Variants in TINAG observed in about 807,000 individuals in gnomAD.
TINAG encodes the protein tubulointerstitial nephritis antigen.
TINAG carries 83 observed loss-of-function variants against 72.7 expected under a neutral mutation model. The observed-to-expected ratio is 1.14, with a 90% confidence interval of 0.96 to 1.37. The LOEUF is 1.37. Among genes scored for constraint, TINAG ranks in the 40% most tolerant of loss-of-function variants. TINAG has a pLI of 0.00. For missense variants in TINAG, 685 were observed against 576.6 expected, an observed-to-expected ratio of 1.19 and a Z score of -1.93; for synonymous variants, 234 against 189.9, an observed-to-expected ratio of 1.23 and a Z score of -1.91.
At position 54,389,965 on chromosome 6, in the gene TINAG, CCCCCT is replaced by C; in HGVS notation, c.*41_*45del. ...TCCATAAGGTCATGCCTTTAAGTAA[CCCCCT>C]AAATTGAAGTTTAGCAATATGACAT... On this transcript the variant is annotated 3_prime_UTR_variant, in exon 11 of 11. Transcript: ENST00000259782. 6.3e-7 allele frequency: 1 copy of C among 1,589,044 alleles called. No individual in the cohort carries two copies. Among genetic ancestry groups the C allele is most frequent in the Non-Finnish European group, 8.5e-7 (1 of 1,172,502 alleles).
In TINAG at chr6:54,351,403, C is replaced by T. The variant is rs909325069; in HGVS notation, c.1126+6C>T. On this transcript the variant is annotated splice_donor_region_variant and intron_variant, in intron 8 of 10. Coordinates refer to ENST00000259782, the MANE Select transcript of TINAG (RefSeq NM_014464.4). ...GCAAAATGGACCAGTTCAAGGTAAG[C>T]TTGAATGAAATACGGTTTTTTCTTA... 3.7e-6 allele frequency: 6 copies of T among 1,609,204 alleles called. No homozygotes were observed. The highest frequency in any genetic ancestry group is 1.7e-5 in the Admixed American group (1 of 59,546).
chr6:54,369,677 C>A (rs1162828679), intron 9 of TINAG, among the ~76,000 whole-genome samples: 1 of 151,836 alleles, frequency 6.6e-6, no homozygotes, highest in Non-Finnish European at 1.5e-5. Flanking sequence ...GAGTTAGCAA[C>A]AACTGTTACT....
chr6:54,364,302 C>T (rs1318896816), intron 9 of TINAG, among the ~76,000 whole-genome samples: 1 of 151,126 alleles, frequency 6.6e-6, no homozygotes, highest in East Asian at 2.0e-4. Flanking sequence ...GATGATTTTC[C>T]AAATGGGTGC....
chr6:54,319,843 AT>A (rs1294654858), intron 1 of TINAG, among the ~76,000 whole-genome samples: 2 of 152,172 alleles, frequency 1.3e-5, no homozygotes, highest in Non-Finnish European at 2.9e-5. Flanking sequence ...TTCAATGTTA[AT>A]TTTGAATTTG....
chr6:54,324,185 C>T (rs907701318), intron 3 of TINAG, among the ~76,000 whole-genome samples: 3 of 152,238 alleles, frequency 2.0e-5, no homozygotes, highest in Non-Finnish European at 4.4e-5. Flanking sequence ...CATTTTAAAA[C>T]GATAAGCTTT....
intron 5 of TINAG, among the ~76,000 whole-genome samples, chr6:54,345,038 CA>C (rs1178914748): frequency 6.6e-6 from 1 of 151,978 alleles, no homozygotes; most frequent in Non-Finnish European, 1.5e-5. Context: ...AAATCAAATT[CA>C]AGCTATTTTT....
intron 10 of TINAG, among the ~76,000 whole-genome samples, chr6:54,381,920 A>G (rs879342761): frequency 1.3e-5 from 2 of 152,102 alleles, no homozygotes; most frequent in Non-Finnish European, 2.9e-5. Flanking sequence ...ACGAATGTGC[A>G]GAGGAAAATG....
intron 9 of TINAG, among the ~76,000 whole-genome samples, chr6:54,359,845 T>A (rs1235214947): frequency 6.6e-6 from 1 of 151,814 alleles, no homozygotes; most frequent in East Asian, 1.9e-4. Flanking sequence ...ATTCAAGAAA[T>A]GAATGCATTA....
intron 3 of TINAG, among the ~76,000 whole-genome samples, chr6:54,323,629 T>C (rs987364616): frequency 2.0e-5 from 3 of 152,228 alleles, no homozygotes; most frequent in Admixed American, 6.5e-5. Context: ...ATAAAACATA[T>C]GTTCCACTGA....
intron 9 of TINAG, 78 bp downstream of exon 9, chr6:54,354,714 C>A (rs1785351294): frequency 1.4e-6 from 2 of 1,398,342 alleles, no homozygotes; most frequent in Admixed American, 4.8e-5. Context: ...GTTTTAAATG[C>A]TAGAATCCCC....
chr6:54,315,196 C>A (rs1453591898), intron 1 of TINAG, among the ~76,000 whole-genome samples: 1 of 151,984 alleles, frequency 6.6e-6, no homozygotes, highest in Non-Finnish European at 1.5e-5. Context: ...TTGTTCAGTT[C>A]CTCTTATTGT....
chr6:54,351,799 T>C (rs1395920383), intron 8 of TINAG, among the ~76,000 whole-genome samples: 3 of 151,944 alleles, frequency 2.0e-5, no homozygotes, highest in Non-Finnish European at 4.4e-5. Context: ...TCAGTTTAAA[T>C]AGATTAGGTC....
At chr6:54,318,612 T>TA (rs1784423423) in intron 1 of TINAG, among the ~76,000 whole-genome samples, 1 of 152,106 alleles carries the variant, frequency 6.6e-6, no homozygotes, top group African/African-American at 2.4e-5. Flanking sequence ...GATAAGGCCT[T>TA]ATAGGTTACA....
At chr6:54,325,277 G>A (rs1439614219) in intron 3 of TINAG, among the ~76,000 whole-genome samples, 11 of 152,178 alleles carry the variant, frequency 7.2e-5, no homozygotes, top group African/African-American at 2.4e-4. Flanking sequence ...GTTTCTTAAG[G>A]TATGAGCTTC....
chr6:54,346,550 A>AT (rs1785127136), intron 5 of TINAG, among the ~76,000 whole-genome samples: 1 of 151,422 alleles, frequency 6.6e-6, no homozygotes, highest in Non-Finnish European at 1.5e-5. Flanking sequence ...TTACATGTAT[A>AT]GCTATATATA....
At chr6:54,344,668 C>T (rs1785078593) in intron 5 of TINAG, among the ~76,000 whole-genome samples, 1 of 152,110 alleles carries the variant, frequency 6.6e-6, no homozygotes, top group Non-Finnish European at 1.5e-5. Context: ...CTGAAAGCAA[C>T]TTGCTAGGGT....
rs1329198710 is a variant in TINAG, at chr6:54,320,943, T to G, written c.419+301T>G. Among the ~76,000 whole-genome samples, 4 of 152,146 alleles carry G rather than the reference T, an allele frequency of 2.6e-5. No individual in the cohort carries two copies. In the East Asian group the frequency reaches 7.7e-4, roughly 29 times the overall value. On this transcript the variant is annotated intron_variant, in intron 2 of 10. Coordinates refer to ENST00000259782, the MANE Select transcript of TINAG (RefSeq NM_014464.4). ...TAATATTCTGATACCCTAAGGCAAA[T>G]TGTGTTTTTTGAGCACAGTAACTAT...
At chr6:54,315,547 A>T (rs144461861) in intron 1 of TINAG, among the ~76,000 whole-genome samples, 1 of 151,972 alleles carries the variant, frequency 6.6e-6, no homozygotes, top group Non-Finnish European at 1.5e-5. Context: ...TCATGGTGGC[A>T]TACACTGTAG....
intron 9 of TINAG, among the ~76,000 whole-genome samples, chr6:54,375,504 T>C (rs1258817858): frequency 2.6e-5 from 4 of 152,178 alleles, no homozygotes; most frequent in African/African-American, 9.6e-5. Context: ...CATTCAACTT[T>C]GAAATGCTGT....
Sources: allele counts gnomAD v4.1 joint callset (sites outside exome capture counted in the v4.1 genomes callset), GRCh38; gene constraint gnomAD v4.1.1; transcripts MANE v1.5; gene names NCBI Gene and HGNC (gene_info 2026-07-23, HGNC 2026-07-21).